PBX1: variants seen among roughly 807,000 people sequenced by gnomAD.
PBX1 encodes PBX homeobox 1, also known as pre-B-cell leukemia transcription factor 1.
A neutral mutation model predicts 53.4 loss-of-function variants in PBX1; 6 were observed. That is an observed-to-expected ratio of 0.11 (90% confidence interval 0.06 to 0.22). The LOEUF (loss-of-function observed/expected upper bound fraction) is 0.22. PBX1 is among the 10% of genes least tolerant of loss of function. PBX1 has a pLI of 1.00. For synonymous variants in PBX1, 204 were observed against 212.3 expected (o/e 0.96, Z 0.34); for missense variants, 251 against 551.4 (o/e 0.46, Z 5.46).
At chr1:164,809,283 C>A (rs1184368036) in intron 5 of PBX1, among the ~76,000 whole-genome samples, 1 of 152,060 alleles carries the variant, frequency 6.6e-6, no homozygotes, top group Non-Finnish European at 1.5e-5. Context: ...TTCCCGCAAC[C>A]TTCACTTCCT....
At chr1:164,594,180 C>A (rs1655594696) in intron 2 of PBX1, among the ~76,000 whole-genome samples, 1 of 152,200 alleles carries the variant, frequency 6.6e-6, no homozygotes, top group Non-Finnish European at 1.5e-5. Flanking sequence ...GATTTAAATT[C>A]TCCTTCTAAC....
chr1:164,822,250 C>G (rs950818941), intron 8 of PBX1, among the ~76,000 whole-genome samples: 1 of 151,866 alleles, frequency 6.6e-6, no homozygotes, highest in African/African-American at 2.4e-5. Context: ...TTTGGGACAG[C>G]AATCCAACTT....
At chr1:164,787,291 T>TTC (rs1303923508) in intron 2 of PBX1, among the ~76,000 whole-genome samples, 1 of 152,124 alleles carries the variant, frequency 6.6e-6, no homozygotes, top group Non-Finnish European at 1.5e-5. Context: ...CTTTATCTGT[T>TTC]TCTCTCTCTC....
At chr1:164,560,228 A>G in intron 1 of PBX1, 2 of 483,358 alleles carry the variant, frequency 4.1e-6, no homozygotes, top group Non-Finnish European at 3.7e-6. Context: ...GGCTGTGTAC[A>G]TATTTGTGTG....
chr1:164,589,882 T>C (rs1410438816), intron 2 of PBX1, among the ~76,000 whole-genome samples: 3 of 152,098 alleles, frequency 2.0e-5, no homozygotes, highest in South Asian at 2.1e-4. Flanking sequence ...AAAATAAATA[T>C]CTTAATGCTC....
At chr1:164,786,486 A>G (rs1174001404) in intron 2 of PBX1, among the ~76,000 whole-genome samples, 1 of 152,208 alleles carries the variant, frequency 6.6e-6, no homozygotes, top group Non-Finnish European at 1.5e-5. Flanking sequence ...TCTGTGGCTG[A>G]GAAAGAAGAG....
At chr1:164,702,967 A>T (rs6675073) in intron 2 of PBX1, 8 of 152,000 alleles carry the variant, frequency 5.3e-5, no homozygotes, top group Admixed American at 5.2e-4. Context: ...CCAACCATAT[A>T]TATCTTTGGA....
intron 2 of PBX1, chr1:164,590,545 G>T: frequency 4.5e-6 from 2 of 447,838 alleles, no homozygotes; most frequent in South Asian, 3.1e-5. Flanking sequence ...ACAACAGTGT[G>T]AAATCTTACT....
intron 2 of PBX1, among the ~76,000 whole-genome samples, chr1:164,871,042 A>G (rs1672371829): frequency 6.6e-6 from 1 of 152,304 alleles, no homozygotes; most frequent in African/African-American, 2.4e-5. Context: ...TTGAGCCCCT[A>G]TGGCATACCC....
chr1:164,821,492 C>A, intron 7 of PBX1, 45 bp from the exon 8 acceptor site: 2 of 1,466,570 alleles, frequency 1.4e-6, no homozygotes, highest in Non-Finnish European at 1.9e-6. Context: ...CCTTTTCCTA[C>A]ACCTCTCTGA....
chr1:164,738,163 T>C (rs894691268), intron 2 of PBX1, among the ~76,000 whole-genome samples: 3 of 152,196 alleles, frequency 2.0e-5, no homozygotes, highest in African/African-American at 7.2e-5. Context: ...TTGATGAACA[T>C]TTGGATCATT....
chr1:164,786,695 G>A (rs1571404842), intron 2 of PBX1, among the ~76,000 whole-genome samples: 2 of 146,344 alleles, frequency 1.4e-5, no homozygotes, highest in East Asian at 4.2e-4. Context: ...GTGTGTGTGT[G>A]TGTGTGTGTG....
At chr1:164,690,496 G>T (rs577254793) in intron 2 of PBX1, among the ~76,000 whole-genome samples, 6 of 151,994 alleles carry the variant, frequency 3.9e-5, no homozygotes, top group Non-Finnish European at 5.9e-5. Context: ...TTGTTCGGGC[G>T]CAGTGGCTCA....
chr1:164,595,908 T>G (rs1571298119), intron 2 of PBX1, among the ~76,000 whole-genome samples: 1 of 152,150 alleles, frequency 6.6e-6, no homozygotes, highest in Non-Finnish European at 1.5e-5. Context: ...CTCCAAAGGT[T>G]GTAATTTTTA....
chr1:164,635,319 TG>T (rs1658686678), intron 2 of PBX1, among the ~76,000 whole-genome samples: 1 of 149,698 alleles, frequency 6.7e-6, no homozygotes, highest in African/African-American at 2.5e-5. Context: ...TTTTAAAAAG[TG>T]GGGGGCGAGG....
At chr1:164,752,045 T>C in intron 2 of PBX1, among the ~76,000 whole-genome samples, 1 of 142,594 alleles carries the variant, frequency 7.0e-6, no homozygotes, top group Admixed American at 6.8e-5. Context: ...ACACTGCTTC[T>C]AAAAACTGGC....
chr1:164,832,642 A>C (rs548748256), intron 8 of PBX1, among the ~76,000 whole-genome samples: 1 of 152,276 alleles, frequency 6.6e-6, no homozygotes, highest in African/African-American at 2.4e-5. Context: ...AAATAGAACT[A>C]GAAAATTAAA....
At position 164,850,467 on chromosome 1, in the gene PBX1, C is replaced by CAAA; in HGVS notation, c.*3800_*3802dup. 1 of 178,780 alleles carries CAAA rather than the reference C, an allele frequency of 5.6e-6. No individual in the cohort carries two copies. The highest frequency in any genetic ancestry group is 2.4e-5 in the African/African-American group (1 of 41,360). 11.1% of individuals were successfully genotyped at this position (178,780 alleles called of 1,614,324 possible). A position where few individuals can be genotyped will look rare whatever the true frequency, so the allele number is the denominator to read the frequency against. ...TTCTTGATTCTTGCTCTTAAAAATA[C>CAAA]AAAAAAAAAAATGTTTTGTTTTGTG... On this transcript the variant is annotated 3_prime_UTR_variant, in exon 9 of 9. Coordinates refer to ENST00000420696, the MANE Select transcript of PBX1 (RefSeq NM_002585.4).
intron 2 of PBX1, chr1:164,642,939 T>C (rs769811540): frequency 6.6e-6 from 1 of 152,190 alleles, no homozygotes; most frequent in Admixed American, 6.5e-5. Context: ...AGATAAAGTA[T>C]AGAAGCAACT....
Sources: allele counts gnomAD v4.1 joint callset (sites outside exome capture counted in the v4.1 genomes callset), GRCh38; gene constraint gnomAD v4.1.1; transcripts MANE v1.5; gene names NCBI Gene and HGNC (gene_info 2026-07-23, HGNC 2026-07-21).